CELSR1: variants seen among roughly 807,000 people sequenced by gnomAD.
CELSR1 encodes the protein cadherin EGF LAG seven-pass G-type receptor 1, also known as adhesion G protein-coupled receptor C1.
Under a neutral mutation model 249.1 loss-of-function variants are expected in CELSR1, and 110 were observed. That is an observed-to-expected ratio of 0.44 (90% confidence interval 0.38 to 0.52). The LOEUF (loss-of-function observed/expected upper bound fraction) is 0.52. Ranked by LOEUF, CELSR1 falls within the 20% of genes least tolerant of loss-of-function variation. The pLI, the probability that CELSR1 is intolerant of heterozygous loss-of-function variation, is 0.00. For missense variants in CELSR1, 4,109 were observed against 4,296.4 expected (o/e 0.96, Z 1.22); for synonymous variants, 2,113 against 1,900.0 (o/e 1.11, Z -2.92).
At chr22:46,387,707 A>G (rs1257083249) in intron 18 of CELSR1, among the ~76,000 whole-genome samples, 1 of 152,120 alleles carries the variant, frequency 6.6e-6, no homozygotes, top group Non-Finnish European at 1.5e-5. Flanking sequence ...AACCCCATCA[A>G]ATAAGCCAGA....
rs1196849232 is a variant in CELSR1 at position 46,408,317 on chromosome 22, T to TG, written c.5226+678dup. Among the ~76,000 whole-genome samples, 1 of 152,184 alleles carries TG rather than the reference T, an allele frequency of 6.6e-6. No individual in the cohort carries two copies. Among genetic ancestry groups the TG allele is most frequent in the Non-Finnish European group, 1.5e-5 (1 of 68,028 alleles). The stretch of plus-strand genomic sequence containing the variant: ...GCTCCCAGAGAAAGTGGACGTGCAT[T>TG]GGTGCCAACCACCACCTGGCTGTGG... On this transcript the variant is annotated intron_variant, in intron 9 of 34. Transcript: ENST00000674500. The surrounding 1 kb of genome is among the most constrained non-coding windows in gnomAD (Gnocchi z 4.6).
Position 46,382,039 on chromosome 22 carries a change from G to T in CELSR1, c.6895C>A (p.Leu2299Met), listed in dbSNP as rs199951007. 2,754 of 1,539,742 alleles carry T rather than the reference G, an allele frequency of 1.8e-3. 3 individuals are homozygous for T. Among genetic ancestry groups the T allele is most frequent in the Non-Finnish European group, 2.3e-3 (2,618 of 1,142,048 alleles). Reference sequence around the variant, plus strand: ...GTGGTCCTCCGGCCAGCCGGCCTCAGCAGGGGGCCTTCTGCAATGTGAGCA... The same window carrying T: ...GTGGTCCTCCGGCCAGCCGGCCTCATCAGGGGGCCTTCTGCAATGTGAGCA... Reference protein sequence around the residue: ...RPPEEKEGPLLRPAGRRTTPQ... With the variant: ...RPPEEKEGPLMRPAGRRTTPQ... Residue 2299 changes from leucine (L) to methionine (M), a missense_variant, in exon 21 of 35, where the codon CTG becomes ATG. Leu to Met is a conservative substitution (Grantham distance 15). This residue lies in a region of CELSR1 where 1,805 missense variants were observed against 1,831.6 expected (regional missense o/e 0.99). Transcript: ENST00000674500.
intron 19 of CELSR1, among the ~76,000 whole-genome samples, chr22:46,385,121 A>G (rs2079018802): frequency 6.9e-6 from 1 of 144,084 alleles, no homozygotes; most frequent in Non-Finnish European, 1.5e-5. Context: ...TTGAGACAGG[A>G]TCTCACTCTA....
Position 46,363,361 on chromosome 22 carries a change from C to A in CELSR1, c.9036-114G>T. 2.5e-6 allele frequency: 2 copies of A among 797,334 alleles called. No homozygotes were observed. The highest frequency in any genetic ancestry group is 3.9e-6 in the Non-Finnish European group (2 of 515,086). 49.4% of individuals were successfully genotyped at this position (797,334 alleles called of 1,614,324 possible). On this transcript the variant is annotated intron_variant, in intron 34 of 34. Transcript: ENST00000674500. The surrounding 1 kb of genome is among the most constrained non-coding windows in gnomAD (Gnocchi z 4.3). ...GATCACCCCATCAGGGTAGAGGGGGCGTCTGGGGGCTCCAGGGAGGGCAAG... is the reference window on the plus strand; with the variant it reads ...GATCACCCCATCAGGGTAGAGGGGGAGTCTGGGGGCTCCAGGGAGGGCAAG...
In CELSR1 at chr22:46,506,529, C is replaced by G. The variant is rs1030988760; in HGVS notation, c.3544+27098G>C. On this transcript the variant is annotated intron_variant, in intron 1 of 34. Transcript: ENST00000674500. The surrounding 1 kb of genome is among the most constrained non-coding windows in gnomAD (Gnocchi z 4.1). ...TGCGTTCTGCCAGCCTCAGCCCCAG[C>G]CCCAGCCCCCCAAGTCTCACAAGTC... 6.6e-6 allele frequency among the ~76,000 whole-genome samples: 1 copy of G among 152,242 alleles called. No individual in the cohort carries two copies. The highest frequency in any genetic ancestry group is 3.2e-3 in the Middle Eastern group (1 of 316).
chr22:46,472,973 A>G lies in CELSR1; in HGVS notation c.3545-8628T>C, dbSNP rs1438356697. Among the ~76,000 whole-genome samples, 1 of 152,192 alleles carries G rather than the reference A, an allele frequency of 6.6e-6. No individual in the cohort carries two copies. Among genetic ancestry groups the G allele is most frequent in the East Asian group, 1.9e-4 (1 of 5,184 alleles). On this transcript the variant is annotated intron_variant, in intron 1 of 34. Transcript: ENST00000674500. This position sits in a 1 kb window ranked among gnomAD's most constrained non-coding sequence, Gnocchi z 7.0. ...ACAGCTGCAAAGAGCCTATTTCCAA[A>G]TAACATCCCACTCTGAGGTTCCAGG... is the stretch of plus-strand genomic sequence containing the variant.
chr22:46,369,348 G>T, intron 26 of CELSR1, 90 bp from the exon 27 acceptor site: 2 of 1,138,232 alleles, frequency 1.8e-6, no homozygotes, highest in Non-Finnish European at 2.6e-6. Flanking sequence ...CGCCCTGTCA[G>T]GGAGGGGTGG....
intron 2 of CELSR1, among the ~76,000 whole-genome samples, chr22:46,463,431 G>A (rs537034681): frequency 1.6e-4 from 24 of 152,052 alleles, no homozygotes; most frequent in African/African-American, 5.3e-4. Flanking sequence ...CAGAGGAATC[G>A]CTTGAACCGA....
chr22:46,491,664 T>C (rs1043220173), intron 1 of CELSR1, among the ~76,000 whole-genome samples: 2 of 147,030 alleles, frequency 1.4e-5, no homozygotes, highest in African/African-American at 5.0e-5. Flanking sequence ...AGACAGGGTG[T>C]TATTCTGTCA....
In CELSR1 at chr22:46,381,590, G is replaced by A. The variant is rs1235282589; in HGVS notation, c.7088+256C>T. Reference sequence around the variant, plus strand: ...ACAAGATGGGGTGTATGCTGGGGAGGGGGCATTTCTGGCACAAACACCAGG... The same window carrying A: ...ACAAGATGGGGTGTATGCTGGGGAGAGGGCATTTCTGGCACAAACACCAGG... On this transcript the variant is annotated intron_variant, in intron 21 of 34. Transcript: ENST00000674500. This position sits in a 1 kb window ranked among gnomAD's most constrained non-coding sequence, Gnocchi z 6.0. 6.6e-6 allele frequency among the ~76,000 whole-genome samples: 1 copy of A among 152,182 alleles called. No homozygotes were observed. The highest frequency in any genetic ancestry group is 1.5e-5 in the Non-Finnish European group (1 of 68,022).
At position 46,410,099 on chromosome 22, in the gene CELSR1, C is replaced by T. The variant is rs148871534; in HGVS notation, c.4934-219G>A. On this transcript the variant is annotated intron_variant, in intron 7 of 34. Coordinates refer to ENST00000674500, the MANE Select transcript of CELSR1 (RefSeq NM_001378328.1). This position sits in a 1 kb window ranked among gnomAD's most constrained non-coding sequence, Gnocchi z 6.8. ...ACGCTGGGACGCCAGGCCATCACGG[C>T]AGCCGGCCCGGTCACCTGGTGACAC... 1.2e-4 allele frequency among the ~76,000 whole-genome samples: 19 copies of T among 152,358 alleles called. No individual in the cohort carries two copies. Among genetic ancestry groups the T allele is most frequent in the Admixed American group, 2.0e-4 (3 of 15,312 alleles).
intron 1 of CELSR1, among the ~76,000 whole-genome samples, chr22:46,482,589 C>T (rs528131402): frequency 2.1e-4 from 32 of 152,156 alleles, no homozygotes; most frequent in Admixed American, 1.8e-3. Flanking sequence ...ATTGCATATG[C>T]CTGTAAACTC....
chr22:46,421,867 G>A (rs1042406454), intron 5 of CELSR1, among the ~76,000 whole-genome samples: 4 of 152,218 alleles, frequency 2.6e-5, no homozygotes, highest in South Asian at 4.1e-4. Context: ...CACGAAGGGC[G>A]TGACCTTTCA....
At chr22:46,467,524 T>G (rs200965359) in intron 1 of CELSR1, among the ~76,000 whole-genome samples, 2 of 148,054 alleles carry the variant, frequency 1.4e-5, no homozygotes, top group East Asian at 2.0e-4. Flanking sequence ...TATATATATA[T>G]AGAAAACTCT....
At position 46,365,378 on chromosome 22, in the gene CELSR1, G is replaced by A. The variant is rs1204059198; in HGVS notation, c.8407C>T (p.His2803Tyr). 3.1e-6 allele frequency: 5 copies of A among 1,612,558 alleles called. No individual in the cohort carries two copies. Among genetic ancestry groups the A allele is most frequent in the Middle Eastern group, 1.6e-4 (1 of 6,078 alleles). ...AGCTCGCTATCTGAGTCGGAATCGT[G>A]GCCTGTGGATGCGCGGGGGACAGGG... ...MPRSCKDPPG[H>Y]DSDSDSELSL... The change falls in exon 32 of 35, where the codon CAC becomes TAC. Residue 2803 changes from histidine to tyrosine, a missense_variant and splice_region_variant. His to Tyr is a moderately conservative substitution (Grantham distance 83). Coordinates refer to ENST00000674500, the MANE Select transcript of CELSR1 (RefSeq NM_001378328.1).
At chr22:46,419,675 A>AG (rs112333827) in intron 5 of CELSR1, among the ~76,000 whole-genome samples, 22,675 of 152,182 alleles carry the variant, frequency 0.15, 3,506 homozygotes, top group African/African-American at 0.4. Flanking sequence ...CTGAGCAAGC[A>AG]AAAAAGCTTA....
At position 46,517,123 on chromosome 22, in the gene CELSR1, G is replaced by A. The variant is rs1421425885; in HGVS notation, c.3544+16504C>T. The stretch of plus-strand genomic sequence containing the variant: ...TCACCCCAATGGATCATTCCCCTGA[G>A]GTATACAAACCACCTCCCCATCCCC... On this transcript the variant is annotated intron_variant, in intron 1 of 34. Transcript: ENST00000674500. The surrounding 1 kb of genome is among the most constrained non-coding windows in gnomAD (Gnocchi z 5.4). Among the ~76,000 whole-genome samples, 1 of 152,202 alleles carries A rather than the reference G, an allele frequency of 6.6e-6. No homozygotes were observed. The highest frequency in any genetic ancestry group is 1.5e-5 in the Non-Finnish European group (1 of 68,034).
In CELSR1 at chr22:46,402,135, GA is replaced by G. The variant is rs2147294426; in HGVS notation, c.5227-2234del. Among the ~76,000 whole-genome samples the G allele has an allele frequency of 6.6e-6, 1 of 152,130 alleles. No individual in the cohort carries two copies. Among genetic ancestry groups the G allele is most frequent in the East Asian group, 1.9e-4 (1 of 5,164 alleles). ...CTGTGACTGCATTCAAGTGCTCTGG[GA>G]GGGAAAGTGCTCCTAGTGGTTGCCA... On this transcript the variant is annotated intron_variant, in intron 9 of 34. Coordinates refer to ENST00000674500, the MANE Select transcript of CELSR1 (RefSeq NM_001378328.1). The surrounding 1 kb of genome is among the most constrained non-coding windows in gnomAD (Gnocchi z 5.0).
rs965746484 is a variant in CELSR1, at chr22:46,505,050, C to T, written c.3544+28577G>A. On this transcript the variant is annotated intron_variant, in intron 1 of 34. Coordinates refer to ENST00000674500, the MANE Select transcript of CELSR1 (RefSeq NM_001378328.1). ...GGCCGAGGCGGGCGGATCATGAGGT[C>T]AGGAGATCGAGACCATCCTGGCTAA... Among the ~76,000 whole-genome samples, 7 of 152,128 alleles carry T rather than the reference C, an allele frequency of 4.6e-5. No homozygotes were observed. The South Asian group carries it at 8.3e-4, about 18-fold the overall frequency.
Sources: allele counts gnomAD v4.1 joint callset (sites outside exome capture counted in the v4.1 genomes callset), GRCh38; gene constraint gnomAD v4.1.1; regional missense constraint gnomAD v4.1.1; non-coding constraint Gnocchi (gnomAD v3.1); transcripts MANE v1.5; gene names NCBI Gene and HGNC (gene_info 2026-07-23, HGNC 2026-07-21).